ACTR6: variants seen among roughly 807,000 people sequenced by gnomAD.
ACTR6 encodes the protein actin related protein 6, also known as actin-related protein 6.
Under a neutral mutation model 52.5 loss-of-function variants are expected in ACTR6, and 50 were observed. That is an observed-to-expected ratio of 0.95 (90% CI 0.76 to 1.20). The LOEUF (loss-of-function observed/expected upper bound fraction) is 1.20, where lower values mean the gene tolerates loss of function less well. Among genes scored for constraint, ACTR6 ranks in the 50% most tolerant of loss-of-function variants. The pLI is 0.00. For synonymous variants in ACTR6, 135 were observed against 147.2 expected (o/e 0.92, Z 0.60); for missense variants, 344 against 472.4 (o/e 0.73, Z 2.52).
At position 100,207,744 on chromosome 12, in the gene ACTR6, C is replaced by G. The variant is rs1592835781; in HGVS notation, c.337C>G (p.Leu113Val). Residue 113 changes from leucine (L) to valine (V), a missense_variant, in exon 4 of 11, where the codon CTA (leucine) becomes GTA (valine). By Grantham distance (32) the Leu-to-Val change is conservative. Coordinates refer to ENST00000188312, the MANE Select transcript of ACTR6 (RefSeq NM_022496.5). The part of the protein sequence containing the change: ...TSIQESMNEI[L>V]FEEYQFQAVL... ...AATTCAAGAATCAATGAATGAAATT[C>G]TATTTGAAGAATACCAGTTTCAAGC... 1.3e-6 allele frequency: 2 copies of G among 1,596,310 alleles called. No individual in the cohort carries two copies. Among genetic ancestry groups the G allele is most frequent in the East Asian group, 4.5e-5 (2 of 44,258 alleles).
At chr12:100,223,731 G>A in intron 10 of ACTR6, 55 bp from the exon 11 acceptor site, 1 of 1,560,732 alleles carries the variant, frequency 6.4e-7, no homozygotes, top group East Asian at 2.3e-5. Context: ...TTATGTTTCA[G>A]GCATTTCAGT....
rs1342472041 is a variant in ACTR6 at position 100,224,277 on chromosome 12, GACTAA to G, written c.*367_*371del. 2.0e-4 allele frequency: 32 copies of G among 161,676 alleles called. No individual in the cohort carries two copies. The highest frequency in any genetic ancestry group is 3.7e-4 in the Non-Finnish European group (28 of 75,084). 10.0% of individuals were successfully genotyped at this position (161,676 alleles called of 1,614,324 possible). On this transcript the variant is annotated 3_prime_UTR_variant, in exon 11 of 11. Transcript: ENST00000188312. ...TTAGAAGGTAGTTTTGTGTGACTGT[GACTAA>G]ACTATTTTATTTTAAAATGTCATTC...
At position 100,212,288 on chromosome 12, in the gene ACTR6, T is replaced by C. The variant is rs566384999; in HGVS notation, c.605T>C (p.Ile202Thr). 65 of 1,611,474 alleles carry C rather than the reference T, an allele frequency of 4.0e-5. No homozygotes were observed. In the South Asian group the frequency reaches 6.9e-4, roughly 17 times the overall value. ...CATGTTATGGATGAAACACATGTGATTAATCAAGTGAAAGAAGATGTATGC... is the reference window on the plus strand; with the variant it reads ...CATGTTATGGATGAAACACATGTGACTAATCAAGTGAAAGAAGATGTATGC... ...QLHVMDETHV[I>T]NQVKEDVCYV... The change falls in exon 7 of 11, where the codon ATT becomes ACT. Residue 202 changes from isoleucine (I) to threonine (T), a missense_variant. By Grantham distance (89) the Ile-to-Thr change is moderately conservative. Transcript: ENST00000188312.
intron 10 of ACTR6, chr12:100,221,618 T>C (rs1321061561): frequency 6.6e-6 from 1 of 152,044 alleles, no homozygotes; most frequent in Non-Finnish European, 1.5e-5. Context: ...AAAAGCTTAA[T>C]GCAAATATAA....
At chr12:100,219,206 A>C (rs2096126213) in intron 9 of ACTR6, among the ~76,000 whole-genome samples, 1 of 151,642 alleles carries the variant, frequency 6.6e-6, no homozygotes, top group African/African-American at 2.4e-5. Flanking sequence ...TCCATACATA[A>C]TTATTTCACA....
In ACTR6 at chr12:100,212,239, A is replaced by G. The variant is rs536142752; in HGVS notation, c.573-17A>G. 2.0e-6 allele frequency: 3 copies of G among 1,507,664 alleles called. No individual in the cohort carries two copies. Among genetic ancestry groups the G allele is most frequent in the South Asian group, 2.5e-5 (2 of 78,570 alleles). 93.4% of individuals were successfully genotyped at this position (1,507,664 alleles called of 1,614,324 possible). On this transcript the variant is annotated splice_polypyrimidine_tract_variant and intron_variant, in intron 6 of 10. Transcript: ENST00000188312. ...TAATTGTTTTGCTTCAAATTTTACA[A>G]CTTTTATTTCTGTTAGGCAGCTACA...
intron 4 of ACTR6, chr12:100,207,990 T>G (rs753365762): frequency 7.1e-6 from 3 of 424,234 alleles, no homozygotes; most frequent in African/African-American, 4.1e-5. Context: ...TGAAACCCTG[T>G]CTCTACAAAA....
chr12:100,209,617 G>A (rs1202657385), intron 4 of ACTR6, among the ~76,000 whole-genome samples: 2 of 152,182 alleles, frequency 1.3e-5, no homozygotes, highest in African/African-American at 2.4e-5. Flanking sequence ...TCAACCTACT[G>A]CCTAGGTTTG....
At chr12:100,221,831 C>G (rs1400772256) in intron 10 of ACTR6, 1 of 150,644 alleles carries the variant, frequency 6.6e-6, no homozygotes, top group Non-Finnish European at 1.5e-5. Context: ...AAAAGAAAAC[C>G]TTTTTTTTTG....
Position 100,205,749 on chromosome 12 carries a change from CAAAT to C in ACTR6, c.255+6_255+9del, listed in dbSNP as rs2096114023. 4.1e-6 allele frequency: 6 copies of C among 1,455,772 alleles called. No individual in the cohort carries two copies. The East Asian group carries it at 1.5e-4, about 37-fold the overall frequency. 90.2% of individuals were successfully genotyped at this position (1,455,772 alleles called of 1,614,324 possible). On this transcript the variant is annotated splice_donor_region_variant and intron_variant, in intron 3 of 10. Transcript: ENST00000188312. ...TTTGGAAAAGAAATGTATCAGGTAA[CAAAT>C]TAGAGTATGTATTAAAATTCTATTT...
At chr12:100,212,096 T>A (rs905932785) in intron 6 of ACTR6, among the ~76,000 whole-genome samples, 160 bp from the exon 7 acceptor site, 5 of 152,168 alleles carry the variant, frequency 3.3e-5, no homozygotes, top group African/African-American at 1.2e-4. Flanking sequence ...TTAATGGAAG[T>A]GACAGTATTC....
intron 8 of ACTR6, among the ~76,000 whole-genome samples, chr12:100,216,656 G>T (rs1373244160): frequency 6.6e-6 from 1 of 152,126 alleles, no homozygotes; most frequent in Non-Finnish European, 1.5e-5. Flanking sequence ...ACTATCTCAG[G>T]TTATTTTGAA....
Position 100,218,963 on chromosome 12 carries a change from C to T in ACTR6, c.922+377C>T, listed in dbSNP as rs1467009879. On this transcript the variant is annotated intron_variant, in intron 9 of 10. Transcript: ENST00000188312. This position sits in a 1 kb window ranked among gnomAD's most constrained non-coding sequence, Gnocchi z 4.2. ...CTATTGGTAGACTGACTTATTCTTT[C>T]TGCTATATTTAGAGTAACATACAGG... 6.6e-6 allele frequency among the ~76,000 whole-genome samples: 1 copy of T among 151,788 alleles called. No homozygotes were observed. The highest frequency in any genetic ancestry group is 1.5e-5 in the Non-Finnish European group (1 of 67,942).
intron 10 of ACTR6, among the ~76,000 whole-genome samples, chr12:100,221,104 G>T (rs910752526): frequency 2.6e-5 from 4 of 151,364 alleles, no homozygotes; most frequent in African/African-American, 9.7e-5. Flanking sequence ...TGTAAATAAA[G>T]AAACAAGGGC....
chr12:100,214,807 A>T (rs1454891643), intron 8 of ACTR6, among the ~76,000 whole-genome samples: 4 of 152,196 alleles, frequency 2.6e-5, no homozygotes, highest in Non-Finnish European at 5.9e-5. Context: ...TGGCTTTCAG[A>T]AATGGGAATT....
At position 100,207,786 on chromosome 12, in the gene ACTR6, G is replaced by A. The variant is rs914311639; in HGVS notation, c.379G>A (p.Ala127Thr). The change falls in exon 4 of 11, where the codon GCT (alanine) becomes ACT (threonine). Residue 127 changes from alanine (A) to threonine (T), a missense_variant and splice_region_variant. By Grantham distance (58) the Ala-to-Thr change is moderately conservative. Transcript: ENST00000188312. ...GTTTCAAGCAGTATTAAGAGTAAAT[G>A]GTGAGTTCAAGTTTTCACTGAAATT... ...YQFQAVLRVN[A>T]GALSAHRYFR... The A allele has an allele frequency of 2.5e-6, 4 of 1,593,936 alleles. No homozygotes were observed. In the African/African-American group the frequency reaches 4.0e-5, roughly 16 times the overall value.
chr12:100,218,485 G>T lies in ACTR6; in HGVS notation c.821G>T (p.Arg274Ile). Residue 274 changes from arginine to isoleucine, a missense_variant, in exon 9 of 11, where the codon AGA (arginine) becomes ATA (isoleucine). By Grantham distance (97) the Arg-to-Ile change is moderately conservative (BLOSUM62 -3). Transcript: ENST00000188312. The surrounding 1 kb of genome is among the most constrained non-coding windows in gnomAD (Gnocchi z 4.2). ...GEQILRLANE[R>I]FAVPEILFNP... ...CAAATTCTTCGTTTGGCCAATGAGA[G>T]ATTTGCTGTTCCGGAAATACTCTTT... 1 of 1,608,012 alleles carries T rather than the reference G, an allele frequency of 6.2e-7. No individual in the cohort carries two copies. The highest frequency in any genetic ancestry group is 8.5e-7 in the Non-Finnish European group (1 of 1,177,278).
In ACTR6 at chr12:100,207,777, A is replaced by C. The variant is rs774037179; in HGVS notation, c.370A>C (p.Arg124=). ...AGAATACCAGTTTCAAGCAGTATTA[A>C]GAGTAAATGGTGAGTTCAAGTTTTC... The part of the protein sequence containing the change: ...FEEYQFQAVL[R]VNAGALSAHR... The change falls in exon 4 of 11, where the codon AGA becomes CGA. Residue 124 remains arginine (R), a synonymous_variant. Transcript: ENST00000188312. 6 of 1,596,724 alleles carry C rather than the reference A, an allele frequency of 3.8e-6. No individual in the cohort carries two copies. The highest frequency in any genetic ancestry group is 5.1e-6 in the Non-Finnish European group (6 of 1,167,586).
intron 8 of ACTR6, among the ~76,000 whole-genome samples, chr12:100,216,083 C>T (rs1003130407): frequency 2.0e-5 from 3 of 152,198 alleles, no homozygotes; most frequent in Admixed American, 1.3e-4. Context: ...AGAAAATCGT[C>T]CTCATCATGG....
Sources: gnomAD v4.1 joint callset for allele counts (sites outside exome capture counted in the v4.1 genomes callset) on GRCh38, gnomAD v4.1.1 for gene constraint, Gnocchi (gnomAD v3.1) non-coding constraint, MANE v1.5 for transcripts, NCBI Gene and HGNC (gene_info 2026-07-23, HGNC 2026-07-21) for gene names.